The following SLC35D4 variants were observed in gnomAD, a reference collection of about 807,000 sequenced individuals.
SLC35D4 encodes solute carrier family 35 member D4, also known as UDP-N-acetylglucosamine transporter SLC35D4.
At chr18:23,406,338 A>AG in the SLC35D4 span, among the ~76,000 whole-genome samples, 2 of 152,110 alleles carry the variant, frequency 1.3e-5, no homozygotes, top group Non-Finnish European at 2.9e-5. Flanking sequence ...CATGGGCGGC[A>AG]GGGGGTGGGA....
At chr18:23,390,581 T>G in the SLC35D4 span, among the ~76,000 whole-genome samples, 1 of 152,274 alleles carries the variant, frequency 6.6e-6, no homozygotes, top group Admixed American at 6.5e-5. Flanking sequence ...TCAGAAATAT[T>G]TCATTATTCT....
At chr18:23,329,620 A>T in the SLC35D4 span, among the ~76,000 whole-genome samples, 2 of 152,246 alleles carry the variant, frequency 1.3e-5, no homozygotes, top group South Asian at 2.1e-4. Flanking sequence ...AGTGTAAATT[A>T]GTTCAACCAT....
chr18:23,409,823 G>GAC, the SLC35D4 span, among the ~76,000 whole-genome samples: 1 of 144,468 alleles, frequency 6.9e-6, no homozygotes, highest in Non-Finnish European at 1.5e-5. Context: ...CAGCCTGGGC[G>GAC]ACAGAGCAAG....
At chr18:23,422,822 C>T in the SLC35D4 span, among the ~76,000 whole-genome samples, 61 of 152,264 alleles carry the variant, frequency 4.0e-4, no homozygotes, top group African/African-American at 1.2e-3. Flanking sequence ...CCTCCCCCCC[C>T]CAATGCAGAA....
At chr18:23,350,625 TC>T in the SLC35D4 span, among the ~76,000 whole-genome samples, 9 of 152,002 alleles carry the variant, frequency 5.9e-5, no homozygotes, top group Admixed American at 5.9e-4. Flanking sequence ...ACCTATTAAG[TC>T]CCCCACTAGA....
At chr18:23,420,868 A>T in the SLC35D4 span, among the ~76,000 whole-genome samples, 2 of 152,168 alleles carry the variant, frequency 1.3e-5, no homozygotes, top group Admixed American at 6.5e-5. Context: ...TACCCAGGAA[A>T]ATACTATTTG....
At chr18:23,239,035 A>G in the SLC35D4 span, among the ~76,000 whole-genome samples, 7 of 152,300 alleles carry the variant, frequency 4.6e-5, no homozygotes, top group Admixed American at 1.3e-4. Flanking sequence ...CTCTCCTTTT[A>G]TAGGCCTAGT....
the SLC35D4 span, chr18:23,377,523 G>A: frequency 1.2e-6 from 1 of 854,492 alleles, no homozygotes; most frequent in Non-Finnish European, 1.7e-6. Context: ...AGGGATATAT[G>A]AATGTTTATA....
the SLC35D4 span, among the ~76,000 whole-genome samples, chr18:23,286,464 G>A: frequency 1.3e-5 from 2 of 152,200 alleles, no homozygotes; most frequent in African/African-American, 2.4e-5. Flanking sequence ...GAGTCCCTGG[G>A]ACTCTGGCCC....
the SLC35D4 span, among the ~76,000 whole-genome samples, chr18:23,377,279 T>A: frequency 1.2e-4 from 19 of 152,230 alleles, no homozygotes; most frequent in African/African-American, 4.6e-4. Context: ...TGGTGCTTTT[T>A]CCACCACGGA....
the SLC35D4 span, among the ~76,000 whole-genome samples, chr18:23,275,269 G>A: frequency 6.6e-6 from 1 of 152,086 alleles, no homozygotes. Context: ...ACAGACCTTG[G>A]GCGCCTCCAG....
At chr18:23,346,248 C>G in the SLC35D4 span, among the ~76,000 whole-genome samples, 2 of 152,324 alleles carry the variant, frequency 1.3e-5, no homozygotes, top group South Asian at 4.1e-4. Flanking sequence ...ATCCTCCTGC[C>G]TCAGCCTCTT....
At chr18:23,276,488 T>C in the SLC35D4 span, among the ~76,000 whole-genome samples, 9 of 150,900 alleles carry the variant, frequency 6.0e-5, no homozygotes, top group Non-Finnish European at 8.9e-5. Flanking sequence ...AGAGGCTGTG[T>C]GGGAGAACAA....
chr18:23,313,251 G>C, the SLC35D4 span, among the ~76,000 whole-genome samples: 1 of 151,282 alleles, frequency 6.6e-6, no homozygotes. Context: ...GTCAGCACAG[G>C]GGAAGAGGCT....
chr18:23,373,188 G>A, the SLC35D4 span, among the ~76,000 whole-genome samples: 4 of 152,172 alleles, frequency 2.6e-5, no homozygotes, highest in South Asian at 6.2e-4. Flanking sequence ...GGTGGTGGGC[G>A]CTTGTAATCC....
At chr18:23,343,469 G>A in the SLC35D4 span, among the ~76,000 whole-genome samples, 4 of 152,038 alleles carry the variant, frequency 2.6e-5, no homozygotes, top group South Asian at 2.1e-4. Context: ...TCAAACTCCC[G>A]ACCTCAGGTG....
the SLC35D4 span, among the ~76,000 whole-genome samples, chr18:23,363,210 C>T: frequency 2.0e-5 from 3 of 146,658 alleles, no homozygotes; most frequent in Non-Finnish European, 4.5e-5. Flanking sequence ...CACCACTGCA[C>T]TCCAGCCTGG....
At chr18:23,266,406 CAAA>C in the SLC35D4 span, among the ~76,000 whole-genome samples, 3 of 103,728 alleles carry the variant, frequency 2.9e-5, no homozygotes, top group Admixed American at 9.5e-5. Flanking sequence ...TAATTCTTAG[CAAA>C]AAAAAAAAAA....
the SLC35D4 span, among the ~76,000 whole-genome samples, chr18:23,241,299 G>C: frequency 1.4e-4 from 22 of 151,950 alleles, no homozygotes; most frequent in African/African-American, 5.1e-4. Context: ...AGGTGGGTAA[G>C]GTGGGGGGAT....
Sources: gnomAD v4.1 joint callset for allele counts (sites outside exome capture counted in the v4.1 genomes callset) on GRCh38, gnomAD v4.1.1 for gene constraint, MANE v1.5 for transcripts, NCBI Gene and HGNC (gene_info 2026-07-23, HGNC 2026-07-21) for gene names.